FRMPD4: variants seen among roughly 807,000 people sequenced by gnomAD.
FRMPD4 encodes FERM and PDZ domain-containing protein 4.
FRMPD4 carries 22 observed loss-of-function variants against 94.1 expected under a neutral mutation model. The observed-to-expected ratio is 0.23, with a 90% CI of 0.17 to 0.33. FRMPD4 has a LOEUF of 0.33. FRMPD4 is among the 10% of genes least tolerant of loss of function. The pLI, the probability that FRMPD4 is intolerant of heterozygous loss-of-function variation, is 1.00. For missense variants in FRMPD4, 1,111 were observed against 1,339.9 expected, an observed-to-expected ratio of 0.83 and a Z score of 2.67; for synonymous variants, 631 against 548.6, an observed-to-expected ratio of 1.15 and a Z score of -2.10.
At chrX:12,564,700 T>C (rs183625763) in intron 2 of FRMPD4, among the ~76,000 whole-genome samples, 11 of 111,695 alleles carry the variant, frequency 9.8e-5, no homozygotes, top group Admixed American at 8.6e-4. Flanking sequence ...CCTGATTAAA[T>C]TGTAGGAGTC....
chrX:12,631,479 TG>T (rs2059395524), intron 4 of FRMPD4, among the ~76,000 whole-genome samples: 1 of 111,562 alleles, frequency 9.0e-6, no homozygotes, highest in African/African-American at 3.3e-5. Context: ...TGTGCCATGG[TG>T]GTGTGCTACA....
intron 1 of FRMPD4, among the ~76,000 whole-genome samples, chrX:12,345,952 C>T (rs758267725): frequency 1.8e-4 from 20 of 110,031 alleles, no homozygotes; most frequent in Non-Finnish European, 3.2e-4. Flanking sequence ...TCTTTACAAA[C>T]AGTAAAGCTT....
intron 1 of FRMPD4, among the ~76,000 whole-genome samples, chrX:11,848,150 AG>A (rs1436462665): frequency 9.0e-6 from 1 of 111,311 alleles, no homozygotes; most frequent in Non-Finnish European, 1.9e-5. Context: ...AATATATTAT[AG>A]CCACTCTGAA....
intron 1 of FRMPD4, among the ~76,000 whole-genome samples, chrX:12,485,663 C>T (rs1447695402): frequency 9.0e-6 from 1 of 111,377 alleles, no homozygotes; most frequent in Non-Finnish European, 1.9e-5. Flanking sequence ...CACTGGCGGT[C>T]ACCATGGTCG....
At chrX:12,713,096 A>AG (rs1166966776) in intron 14 of FRMPD4, among the ~76,000 whole-genome samples, 3 of 110,800 alleles carry the variant, frequency 2.7e-5, no homozygotes, top group South Asian at 7.6e-4. Flanking sequence ...AAGAAAAAAA[A>AG]AAAAGAAAAG....
intron 4 of FRMPD4, among the ~76,000 whole-genome samples, chrX:12,653,974 T>G (rs753179959): frequency 2.5e-4 from 28 of 111,598 alleles, no homozygotes; most frequent in African/African-American, 8.5e-4. Flanking sequence ...ACCATGTTGG[T>G]CAGGCTGGTC....
chrX:12,380,590 G>A (rs971137114), intron 1 of FRMPD4, among the ~76,000 whole-genome samples: 7 of 111,918 alleles, frequency 6.3e-5, no homozygotes, highest in African/African-American at 1.6e-4. Context: ...TCTTCCACCC[G>A]TGAAAGGTGT....
At chrX:11,922,900 C>CCTGA (rs755497464) in intron 3 of FRMPD4, among the ~76,000 whole-genome samples, 4 of 112,902 alleles carry the variant, frequency 3.5e-5, no homozygotes, top group Non-Finnish European at 5.6e-5. Flanking sequence ...GCAGGTCTGA[C>CCTGA]CTGAGCACCC....
At chrX:12,542,412 G>A (rs745970961) in intron 2 of FRMPD4, among the ~76,000 whole-genome samples, 23 of 112,154 alleles carry the variant, frequency 2.1e-4, no homozygotes, top group South Asian at 1.8e-3. Flanking sequence ...AAATCAATGC[G>A]CAAAAATCAC....
intron 3 of FRMPD4, among the ~76,000 whole-genome samples, chrX:11,934,964 A>ATTGATCTT (rs1476543584): frequency 9.0e-6 from 1 of 111,182 alleles, no homozygotes; most frequent in East Asian, 2.8e-4. Context: ...ATTACATGCA[A>ATTGATCTT]TTGATCTTTT....
intron 1 of FRMPD4, among the ~76,000 whole-genome samples, chrX:12,239,845 GCT>G (rs771874676): frequency 4.5e-5 from 5 of 111,587 alleles, no homozygotes; most frequent in Middle Eastern, 4.6e-3. Context: ...GGGTGATAGA[GCT>G]CTCCGGAGTC....
intron 1 of FRMPD4, among the ~76,000 whole-genome samples, chrX:12,142,634 G>A (rs981404839): frequency 1.8e-5 from 2 of 112,092 alleles, no homozygotes; most frequent in African/African-American, 6.5e-5. Flanking sequence ...GAGGTGAAAT[G>A]ATGAACAGTT....
At chrX:12,252,384 G>A (rs565256970) in intron 1 of FRMPD4, among the ~76,000 whole-genome samples, 1 of 112,055 alleles carries the variant, frequency 8.9e-6, no homozygotes, top group African/African-American at 3.2e-5. Context: ...AATATTAATA[G>A]TATATTACTA....
At chrX:12,298,595 T>C (rs772394765) in intron 1 of FRMPD4, among the ~76,000 whole-genome samples, 5 of 112,261 alleles carry the variant, frequency 4.5e-5, no homozygotes, top group Middle Eastern at 4.6e-3. Context: ...TATGTAGATA[T>C]TCTAGGCAGT....
intron 2 of FRMPD4, among the ~76,000 whole-genome samples, chrX:11,866,658 A>T (rs1352334286): frequency 2.7e-5 from 3 of 112,499 alleles, no homozygotes. Context: ...AGATTAATAT[A>T]TTAAGAGATC....
chrX:12,411,036 C>T (rs1030531223), intron 1 of FRMPD4, among the ~76,000 whole-genome samples: 12 of 111,986 alleles, frequency 1.1e-4, no homozygotes, highest in Non-Finnish European at 1.5e-4. Flanking sequence ...TCACTGATGT[C>T]CACTTTTGTT....
At chrX:11,836,471 A>G (rs919436848) in intron 1 of FRMPD4, among the ~76,000 whole-genome samples, 1 of 111,896 alleles carries the variant, frequency 8.9e-6, no homozygotes, top group Admixed American at 9.5e-5. Flanking sequence ...TGTGTCATTT[A>G]AACAACTCTG....
At chrX:11,850,747 C>G (rs2053616694) in intron 1 of FRMPD4, among the ~76,000 whole-genome samples, 1 of 111,994 alleles carries the variant, frequency 8.9e-6, no homozygotes, top group South Asian at 3.7e-4. Flanking sequence ...TAAGTACTTA[C>G]AGTAGTCAAA....
intron 1 of FRMPD4, among the ~76,000 whole-genome samples, chrX:12,306,634 T>A (rs953988899): frequency 8.9e-6 from 1 of 112,343 alleles, no homozygotes. Context: ...ATTTGGAAAG[T>A]GAGTGTTTAC....
Sources: allele counts gnomAD v4.1 joint callset (sites outside exome capture counted in the v4.1 genomes callset), GRCh38; gene constraint gnomAD v4.1.1; transcripts MANE v1.5; gene names NCBI Gene and HGNC (gene_info 2026-07-23, HGNC 2026-07-21).